The following GFPT2 variants were observed in gnomAD, a reference collection of about 807,000 sequenced individuals.
The protein encoded by GFPT2 is glutamine--fructose-6-phosphate transaminase 2, also known as glutamine--fructose-6-phosphate aminotransferase [isomerizing] 2.
GFPT2 carries 62 observed loss-of-function variants against 85.6 expected under a neutral mutation model. The observed-to-expected ratio is 0.72, with a 90% CI of 0.59 to 0.90. The LOEUF (loss-of-function observed/expected upper bound fraction) is 0.90, where lower values mean the gene tolerates loss of function less well. GFPT2 is among the 40% of genes least tolerant of loss of function. The pLI, the probability that GFPT2 is intolerant of heterozygous loss-of-function variation, is 0.00. For missense variants in GFPT2, 788 were observed against 893.4 expected, an observed-to-expected ratio of 0.88 and a Z score of 1.50; for synonymous variants, 368 against 344.5, an observed-to-expected ratio of 1.07 and a Z score of -0.75.
chr5:180,304,523 C>A (rs2127645820), intron 17 of GFPT2, among the ~76,000 whole-genome samples: 1 of 152,356 alleles, frequency 6.6e-6, no homozygotes, highest in South Asian at 2.1e-4. Context: ...GAGCTCCAGG[C>A]TAGGATCTGG....
chr5:180,305,062 A>G (rs1277613484), intron 16 of GFPT2, 123 bp from the exon 17 acceptor site: 2 of 722,360 alleles, frequency 2.8e-6, no homozygotes, highest in Non-Finnish European at 4.8e-6. Context: ...AAGGGTTGCA[A>G]GGCAGACAGA....
At chr5:180,346,097 A>G (rs1295326063) in intron 1 of GFPT2, among the ~76,000 whole-genome samples, 3 of 151,976 alleles carry the variant, frequency 2.0e-5, no homozygotes, top group Non-Finnish European at 4.4e-5. Flanking sequence ...CACCATCTAC[A>G]GTGGCTCCCC....
At chr5:180,350,975 C>T (rs929134183) in intron 1 of GFPT2, among the ~76,000 whole-genome samples, 1 of 152,216 alleles carries the variant, frequency 6.6e-6, no homozygotes, top group African/African-American at 2.4e-5. Flanking sequence ...GCACAGACTT[C>T]GCAGGGCCTC....
chr5:180,315,270 C>T (rs909921685), intron 13 of GFPT2, among the ~76,000 whole-genome samples: 8 of 151,950 alleles, frequency 5.3e-5, no homozygotes, highest in Non-Finnish European at 5.9e-5. Flanking sequence ...CTCCGCCTCC[C>T]GGGTTCACGC....
In GFPT2 at chr5:180,330,910, T is replaced by C; in HGVS notation, c.400-76A>G. ...TGCCTGGCCAACTCCCTCTCCTCCC[T>C]GGTGATCTGCCCTTGGAGTGACTTA... On this transcript the variant is annotated intron_variant, in intron 5 of 18. Coordinates refer to ENST00000253778, the MANE Select transcript of GFPT2 (RefSeq NM_005110.4). This position sits in a 1 kb window ranked among gnomAD's most constrained non-coding sequence, Gnocchi z 4.4. 2 of 1,338,602 alleles carry C rather than the reference T, an allele frequency of 1.5e-6. No individual in the cohort carries two copies. Among genetic ancestry groups the C allele is most frequent in the Non-Finnish European group, 2.1e-6 (2 of 944,850 alleles). The allele number at this position is 1,338,602 out of a possible 1,614,324, so 82.9% of individuals were successfully genotyped here.
chr5:180,328,292 T>C lies in GFPT2; in HGVS notation c.581A>G (p.Glu194Gly), dbSNP rs779976687. ...LVFKSVHYPG[E>G]AVATRRGSPL... ...TTTGCCTCACCGTGTGGCAACGGCT[T>C]CTCCTGGGTAGTGGACACTCTTGAA... The change falls in exon 7 of 19, where the codon GAA (glutamate) becomes GGA (glycine). Residue 194 changes from glutamate to glycine, a missense_variant. By Grantham distance (98) the Glu-to-Gly change is moderately conservative (BLOSUM62 -2). Coordinates refer to ENST00000253778, the MANE Select transcript of GFPT2 (RefSeq NM_005110.4). This position sits in a 1 kb window ranked among gnomAD's most constrained non-coding sequence, Gnocchi z 5.4. 5 of 1,612,466 alleles carry C rather than the reference T, an allele frequency of 3.1e-6. No homozygotes were observed. The highest frequency in any genetic ancestry group is 4.2e-6 in the Non-Finnish European group (5 of 1,178,646).
In GFPT2 at chr5:180,302,429, T is replaced by A. The variant is rs576465444; in HGVS notation, c.1998A>T (p.Gly666=). Residue 666 remains glycine, a synonymous_variant, in exon 18 of 19, where the codon GGA becomes GGT. Transcript: ENST00000253778. ...GTGCAGTTTTTAGACGCACGTCATA[T>A]CCTCGGAGAACAGCCAGGTGGAAGG... ...LLSFHLAVLR[G]YDVDFPRNLA... is the part of the protein sequence containing the mutation. 9.3e-6 allele frequency: 15 copies of A among 1,613,374 alleles called. No individual in the cohort carries two copies. The East Asian group carries it at 2.9e-4, about 31-fold the overall frequency.
intron 1 of GFPT2, among the ~76,000 whole-genome samples, chr5:180,347,387 T>C (rs920772532): frequency 1.3e-5 from 2 of 152,162 alleles, no homozygotes; most frequent in African/African-American, 2.4e-5. Context: ...ATGTGCCCTG[T>C]GGTCACCCAC....
At chr5:180,351,616 T>C (rs1269670014) in intron 1 of GFPT2, among the ~76,000 whole-genome samples, 4 of 152,158 alleles carry the variant, frequency 2.6e-5, no homozygotes, top group Non-Finnish European at 5.9e-5. Context: ...AATCTGAAGA[T>C]ACAGGTGGTC....
chr5:180,318,600 C>A lies in GFPT2; in HGVS notation c.958+193G>T. The A allele has an allele frequency of 1.7e-6, 1 of 577,506 alleles. No individual in the cohort carries two copies. The highest frequency in any genetic ancestry group is 2.1e-5 in the South Asian group (1 of 46,908). The allele number at this position is 577,506 out of a possible 1,614,324, so 35.8% of individuals were successfully genotyped here. On this transcript the variant is annotated intron_variant, in intron 10 of 18. Coordinates refer to ENST00000253778, the MANE Select transcript of GFPT2 (RefSeq NM_005110.4). The surrounding 1 kb of genome is among the most constrained non-coding windows in gnomAD (Gnocchi z 4.2). ...GCGGCTGGCTGCACACAGGAGCCCC[C>A]GCTTGGAGGTGCCAGGCCAGCCTCC...
chr5:180,339,027 C>T (rs909539218), intron 1 of GFPT2, among the ~76,000 whole-genome samples: 4 of 152,174 alleles, frequency 2.6e-5, no homozygotes, highest in Admixed American at 2.6e-4. Context: ...ATGGGACAGG[C>T]GCTGGGGCCT....
intron 14 of GFPT2, among the ~76,000 whole-genome samples, chr5:180,312,953 T>G (rs1386346300): frequency 6.6e-6 from 1 of 151,926 alleles, no homozygotes; most frequent in Non-Finnish European, 1.5e-5. Context: ...ATTTTTGTGT[T>G]TTTAGTAGAG....
At chr5:180,334,575 G>A (rs1258232359) in intron 4 of GFPT2, among the ~76,000 whole-genome samples, 2 of 152,248 alleles carry the variant, frequency 1.3e-5, no homozygotes, top group African/African-American at 4.8e-5. Context: ...CTGCTCTGAT[G>A]TATTTGGTCC....
chr5:180,316,308 T>G lies in GFPT2; in HGVS notation c.1273+33A>C, dbSNP rs114534160. Reference sequence around the variant, plus strand: ...AGGAGAGAGCCCAGAGCTGACCTGATGCAAGGCTGGCCACAATGCCTGTGT... The same window carrying G: ...AGGAGAGAGCCCAGAGCTGACCTGAGGCAAGGCTGGCCACAATGCCTGTGT... On this transcript the variant is annotated intron_variant, in intron 13 of 18. Coordinates refer to ENST00000253778, the MANE Select transcript of GFPT2 (RefSeq NM_005110.4). 3 of 1,612,830 alleles carry G rather than the reference T, an allele frequency of 1.9e-6. No individual in the cohort carries two copies. The East Asian group carries it at 6.7e-5, about 36-fold the overall frequency.
intron 9 of GFPT2, among the ~76,000 whole-genome samples, chr5:180,320,228 G>A (rs1471945046): frequency 6.6e-6 from 1 of 151,806 alleles, no homozygotes; most frequent in African/African-American, 2.4e-5. Flanking sequence ...TCCTGACCTC[G>A]TGATCCGCCC....
rs1764754555 is a variant in GFPT2, at chr5:180,353,289, G to T, written c.-72C>A. ...TTCGGACGCTGGGGCTCCTCCGTGG[G>T]CTCCTCCGTGGGCTCCGTGGGCTCC... On this transcript the variant is annotated 5_prime_UTR_variant, in exon 1 of 19. Transcript: ENST00000253778. 11 of 1,132,458 alleles carry T rather than the reference G, an allele frequency of 9.7e-6. No homozygotes were observed. Among genetic ancestry groups the T allele is most frequent in the Non-Finnish European group, 1.2e-5 (11 of 908,108 alleles). 70.2% of individuals were successfully genotyped at this position (1,132,458 alleles called of 1,614,324 possible). A position where few individuals can be genotyped will look rare whatever the true frequency, so the allele number is the denominator to read the frequency against.
At chr5:180,352,798 C>G (rs951059154) in intron 1 of GFPT2, 11 of 309,204 alleles carry the variant, frequency 3.6e-5, no homozygotes, top group Non-Finnish European at 6.1e-5. Context: ...ATGGGCGCCC[C>G]GCACTCGGGA....
chr5:180,342,120 C>T (rs1248890633), intron 1 of GFPT2, among the ~76,000 whole-genome samples: 1 of 152,148 alleles, frequency 6.6e-6, no homozygotes, highest in Non-Finnish European at 1.5e-5. Flanking sequence ...TCTGCCGCCA[C>T]GTGAGATGTG....
At chr5:180,317,138 T>C in intron 10 of GFPT2, 80 bp from the exon 11 acceptor site, 1 of 945,434 alleles carries the variant, frequency 1.1e-6, no homozygotes, top group Non-Finnish European at 1.7e-6. Flanking sequence ...TAGTAACTCC[T>C]GTAAAGCTTA....
Sources: gnomAD v4.1 joint callset for allele counts (sites outside exome capture counted in the v4.1 genomes callset) on GRCh38, gnomAD v4.1.1 for gene constraint, Gnocchi (gnomAD v3.1) non-coding constraint, MANE v1.5 for transcripts, NCBI Gene and HGNC (gene_info 2026-07-23, HGNC 2026-07-21) for gene names.